Variants in RALGAPB observed in about 807,000 individuals in gnomAD.
The protein encoded by RALGAPB is ral GTPase-activating protein subunit beta.
Under a neutral mutation model 161.1 loss-of-function variants are expected in RALGAPB, and 25 were observed. That is an observed-to-expected ratio of 0.16 (90% confidence interval 0.11 to 0.22). RALGAPB has a LOEUF of 0.22. Among genes scored for constraint, RALGAPB ranks in the 10% least tolerant of loss-of-function variants. The probability of loss-of-function intolerance (pLI) is 1.00; values close to 1 mark genes in which losing one functional copy is unlikely to be tolerated. For missense variants in RALGAPB, 1,391 were observed against 1,815.2 expected (o/e 0.77, Z 4.25); for synonymous variants, 629 against 626.1 (o/e 1.00, Z -0.07).
chr20:38,531,461 C>T (rs1404141942), intron 14 of RALGAPB, among the ~76,000 whole-genome samples: 1 of 152,150 alleles, frequency 6.6e-6, no homozygotes, highest in East Asian at 1.9e-4. Context: ...GAAACTACAG[C>T]TAAATCCAGT....
chr20:38,478,236 C>G (rs749616477), intron 1 of RALGAPB, among the ~76,000 whole-genome samples: 1 of 152,178 alleles, frequency 6.6e-6, no homozygotes, highest in East Asian at 1.9e-4. Context: ...GTCCCAGATC[C>G]GCTGTTACTT....
intron 5 of RALGAPB, 55 bp from the exon 6 acceptor site, chr20:38,509,021 AG>A: frequency 1.3e-6 from 2 of 1,564,492 alleles, no homozygotes; most frequent in Non-Finnish European, 1.8e-6. Context: ...TCTATGCTTG[AG>A]TGTATTTTTC....
intron 1 of RALGAPB, among the ~76,000 whole-genome samples, chr20:38,475,058 C>A (rs1018291311): frequency 6.6e-6 from 1 of 152,208 alleles, no homozygotes; most frequent in Non-Finnish European, 1.5e-5. Flanking sequence ...TGTAACTAAC[C>A]ATGTGCAATC....
At chr20:38,507,120 A>G (rs556423866) in intron 5 of RALGAPB, among the ~76,000 whole-genome samples, 4 of 152,328 alleles carry the variant, frequency 2.6e-5, no homozygotes, top group South Asian at 2.1e-4. Context: ...ACAGATACCT[A>G]TCATTCAGAG....
Position 38,539,918 on chromosome 20 carries a change from G to C in RALGAPB, c.2522G>C (p.Cys841Ser), listed in dbSNP as rs1180246524. ...ATAGTGGCAGCTTTTCAGTGTCTCT[G>C]TGTCTGGCTGACAGAGCACCCTGAT... ...SMIVAAFQCLCVWLTEHPDML... is the reference protein window; with the variant it reads ...SMIVAAFQCLSVWLTEHPDML... Residue 841 changes from cysteine to serine, a missense_variant, in exon 17 of 30, where the codon TGT becomes TCT. Physicochemically the swap from Cys to Ser is moderately radical, Grantham distance 112. Transcript: ENST00000262879. 6.2e-7 allele frequency: 1 copy of C among 1,614,052 alleles called. No individual in the cohort carries two copies. The highest frequency in any genetic ancestry group is 1.7e-5 in the Admixed American group (1 of 60,024).
chr20:38,520,363 CTT>C (rs781091752), intron 9 of RALGAPB: 25 of 519,806 alleles, frequency 4.8e-5, no homozygotes, highest in East Asian at 4.5e-4. Context: ...GTCATTGTCT[CTT>C]GTAGTTTTTG....
chr20:38,548,353 T>C (rs910684295), intron 19 of RALGAPB, among the ~76,000 whole-genome samples: 7 of 152,250 alleles, frequency 4.6e-5, no homozygotes, highest in African/African-American at 1.7e-4. Context: ...AATGTGTACA[T>C]GTACCATTGG....
chr20:38,545,004 C>T (rs570601544), intron 18 of RALGAPB, among the ~76,000 whole-genome samples: 65 of 152,094 alleles, frequency 4.3e-4, no homozygotes, highest in Admixed American at 7.2e-4. Flanking sequence ...CCTGAAATTT[C>T]TTCATCTAAG....
chr20:38,482,445 T>TTG (rs3976689), intron 1 of RALGAPB, among the ~76,000 whole-genome samples: 1 of 147,082 alleles, frequency 6.8e-6, no homozygotes, highest in Non-Finnish European at 1.5e-5. Context: ...TTTTTTTTTT[T>TTG]GAGACAGAGT....
chr20:38,535,752 T>G (rs185302613), intron 16 of RALGAPB, among the ~76,000 whole-genome samples: 85 of 152,238 alleles, frequency 5.6e-4, no homozygotes, highest in Non-Finnish European at 9.1e-4. Flanking sequence ...AGCCAGCTAA[T>G]TTTTGTGTTT....
intron 18 of RALGAPB, among the ~76,000 whole-genome samples, chr20:38,543,700 C>A (rs2087056177): frequency 6.6e-6 from 1 of 152,210 alleles, no homozygotes; most frequent in Non-Finnish European, 1.5e-5. Flanking sequence ...CTTATACCTG[C>A]TTATGCTCTT....
intron 9 of RALGAPB, among the ~76,000 whole-genome samples, chr20:38,519,279 A>G (rs2086220618): frequency 6.6e-6 from 1 of 152,220 alleles, no homozygotes; most frequent in South Asian, 2.1e-4. Flanking sequence ...CTTTAAAAAA[A>G]TGACTATTGG....
intron 19 of RALGAPB, chr20:38,547,343 G>A (rs1250069898): frequency 6.6e-6 from 1 of 152,046 alleles, no homozygotes; most frequent in Non-Finnish European, 1.5e-5. Flanking sequence ...AGAATCTGTG[G>A]GTATAAAGTG....
intron 1 of RALGAPB, among the ~76,000 whole-genome samples, chr20:38,481,520 G>T (rs546794265): frequency 1.3e-5 from 2 of 152,150 alleles, no homozygotes; most frequent in African/African-American, 2.4e-5. Flanking sequence ...ATCAGATCTC[G>T]TGAGATTCAT....
intron 18 of RALGAPB, among the ~76,000 whole-genome samples, chr20:38,542,432 A>T: frequency 6.6e-6 from 1 of 152,176 alleles, no homozygotes; most frequent in East Asian, 1.9e-4. Flanking sequence ...AGTCCTGCTC[A>T]CTATGCAAAT....
intron 6 of RALGAPB, among the ~76,000 whole-genome samples, chr20:38,509,485 C>T (rs1667594177): frequency 6.6e-6 from 1 of 152,200 alleles, no homozygotes; most frequent in Non-Finnish European, 1.5e-5. Flanking sequence ...TTACTGCAGC[C>T]AGGCTGATGA....
rs1466731302 is a variant in RALGAPB, at chr20:38,565,497, G to C, written c.3817+19G>C. ...TCCTTAAGTAAGATGATTTTTGCAT[G>C]GTCCTGTTTTAGGATCTATTTTTAT... On this transcript the variant is annotated intron_variant, in intron 25 of 29. Coordinates refer to ENST00000262879, the MANE Select transcript of RALGAPB (RefSeq NM_020336.4). 1 of 1,610,834 alleles carries C rather than the reference G, an allele frequency of 6.2e-7. No homozygotes were observed. The highest frequency in any genetic ancestry group is 1.1e-5 in the South Asian group (1 of 90,750).
chr20:38,524,208 A>G (rs1253012495), intron 10 of RALGAPB, among the ~76,000 whole-genome samples: 1 of 152,238 alleles, frequency 6.6e-6, no homozygotes, highest in Non-Finnish European at 1.5e-5. Flanking sequence ...AATCTTATTC[A>G]GGTGACCTTC....
At chr20:38,565,290 T>C (rs1405205569) in intron 24 of RALGAPB, 69 bp from the exon 25 acceptor site, 1 of 1,547,784 alleles carries the variant, frequency 6.5e-7, no homozygotes, top group Non-Finnish European at 8.8e-7. Flanking sequence ...TAACATTTCA[T>C]GTAGCAAGAT....
Sources: allele counts gnomAD v4.1 joint callset (sites outside exome capture counted in the v4.1 genomes callset), GRCh38; gene constraint gnomAD v4.1.1; transcripts MANE v1.5; gene names NCBI Gene and HGNC (gene_info 2026-07-23, HGNC 2026-07-21).